Variants in SATL1 observed in about 807,000 individuals in gnomAD.
SATL1 encodes spermidine/spermine N(1)-acetyltransferase-like protein 1.
Under a neutral mutation model 51.8 loss-of-function variants are expected in SATL1, and 47 were observed. That is an observed-to-expected ratio of 0.91 (90% CI 0.72 to 1.16). The LOEUF is 1.16. Ranked by LOEUF, SATL1 falls within the 50% of genes most tolerant of loss-of-function variation. The probability of loss-of-function intolerance (pLI) is 0.00; values close to 1 mark genes in which losing one functional copy is unlikely to be tolerated. For synonymous variants in SATL1, 176 were observed against 182.4 expected, an observed-to-expected ratio of 0.97 and a Z score of 0.28; for missense variants, 520 against 526.4, an observed-to-expected ratio of 0.99 and a Z score of 0.12.
chrX:85,223,330 C>T (rs956707893), intron 2 of SATL1, among the ~76,000 whole-genome samples: 1 of 111,009 alleles, frequency 9.0e-6, no homozygotes, highest in Non-Finnish European at 1.9e-5. Context: ...TGCCTGGCTG[C>T]GAATTTCATT....
At chrX:85,225,852 T>C (rs1037675638) in intron 1 of SATL1, among the ~76,000 whole-genome samples, 1 of 111,193 alleles carries the variant, frequency 9.0e-6, no homozygotes, top group Non-Finnish European at 1.9e-5. Context: ...CTCCAGGAAT[T>C]AGGAGGGAGC....
intron 2 of SATL1, among the ~76,000 whole-genome samples, chrX:85,112,861 G>A (rs768017006): frequency 9.0e-6 from 1 of 111,186 alleles, no homozygotes; most frequent in Non-Finnish European, 1.9e-5. Flanking sequence ...CCTGATGGTC[G>A]CCTGACATTC....
intron 1 of SATL1, among the ~76,000 whole-genome samples, chrX:85,241,038 C>G (rs1928582447): frequency 9.0e-6 from 1 of 110,602 alleles, no homozygotes; most frequent in African/African-American, 3.3e-5. Context: ...GCTATTCCCC[C>G]CAAGGAGTCC....
At chrX:85,208,747 TG>T (rs1927844361) in intron 2 of SATL1, 2 of 112,083 alleles carry the variant, frequency 1.8e-5, no homozygotes, top group South Asian at 3.7e-4. Flanking sequence ...TTGACGGGGT[TG>T]TTTTTTTCTT....
chrX:85,188,292 T>A (rs922504665), intron 2 of SATL1, among the ~76,000 whole-genome samples: 8 of 111,233 alleles, frequency 7.2e-5, no homozygotes, highest in African/African-American at 2.6e-4. Context: ...GGTTTAAGGG[T>A]CCTTTTAGAT....
At chrX:85,147,102 G>A (rs981054773) in intron 2 of SATL1, among the ~76,000 whole-genome samples, 15 of 114,188 alleles carry the variant, frequency 1.3e-4, no homozygotes, top group Non-Finnish European at 2.8e-4. Flanking sequence ...CTGGAAAATC[G>A]GGTCACTCCC....
At chrX:85,128,360 CT>C (rs1234348518) in intron 2 of SATL1, among the ~76,000 whole-genome samples, 1 of 111,967 alleles carries the variant, frequency 8.9e-6, no homozygotes, top group Non-Finnish European at 1.9e-5. Flanking sequence ...GAGATGGTAT[CT>C]CATTGTGGTT....
chrX:85,164,573 C>A (rs1926790745), intron 2 of SATL1, among the ~76,000 whole-genome samples: 1 of 111,320 alleles, frequency 9.0e-6, no homozygotes, highest in Non-Finnish European at 1.9e-5. Flanking sequence ...ACCCCAATCT[C>A]TTCTAGCTTG....
intron 2 of SATL1, among the ~76,000 whole-genome samples, chrX:85,187,397 C>T (rs1367227442): frequency 1.8e-5 from 2 of 111,385 alleles, no homozygotes; most frequent in South Asian, 3.7e-4. Flanking sequence ...GCATCCTTAC[C>T]TTGTTCTAGT....
chrX:85,114,705 A>G (rs1050119234), intron 2 of SATL1, among the ~76,000 whole-genome samples: 6 of 112,290 alleles, frequency 5.3e-5, no homozygotes, highest in African/African-American at 1.9e-4. Context: ...TTTGAAACGC[A>G]TACCAATAAC....
intron 1 of SATL1, among the ~76,000 whole-genome samples, chrX:85,228,079 T>C (rs1375655710): frequency 9.0e-6 from 1 of 111,179 alleles, no homozygotes; most frequent in Non-Finnish European, 1.9e-5. Flanking sequence ...GGACGTTCAT[T>C]AATCTATTAG....
intron 2 of SATL1, among the ~76,000 whole-genome samples, chrX:85,145,678 T>A (rs1926217832): frequency 9.0e-6 from 1 of 111,172 alleles, no homozygotes; most frequent in Admixed American, 9.6e-5. Flanking sequence ...CACATTTTCT[T>A]ACAGAATCCT....
chrX:85,116,636 C>T (rs1488148695), intron 2 of SATL1, among the ~76,000 whole-genome samples: 10 of 111,513 alleles, frequency 9.0e-5, no homozygotes, highest in Non-Finnish European at 1.5e-4. Flanking sequence ...AGCCCACTCA[C>T]TCAACTTCTG....
At chrX:85,119,992 C>A (rs773822003) in intron 2 of SATL1, among the ~76,000 whole-genome samples, 29 of 112,128 alleles carry the variant, frequency 2.6e-4, no homozygotes, top group Non-Finnish European at 4.9e-4. Context: ...TATGAAGTAA[C>A]TTGTTCTCAC....
chrX:85,103,991 A>G, intron 3 of SATL1, 76 bp from the exon 4 acceptor site: 1 of 787,679 alleles, frequency 1.3e-6, no homozygotes, highest in South Asian at 2.2e-5. Flanking sequence ...TAAAATTTGT[A>G]TTAAACATTT....
intron 2 of SATL1, among the ~76,000 whole-genome samples, chrX:85,137,684 G>T (rs1476754947): frequency 8.9e-6 from 1 of 111,822 alleles, no homozygotes; most frequent in Non-Finnish European, 1.9e-5. Flanking sequence ...TCCTGGATCT[G>T]TGGTTTGGTG....
At chrX:85,111,000 C>T (rs1925246075) in intron 2 of SATL1, among the ~76,000 whole-genome samples, 1 of 112,767 alleles carries the variant, frequency 8.9e-6, no homozygotes, top group Admixed American at 9.4e-5. Flanking sequence ...ACATAGGTCA[C>T]ACAGCTAAAA....
At chrX:85,234,222 A>G (rs1220432342) in intron 1 of SATL1, among the ~76,000 whole-genome samples, 1 of 111,221 alleles carries the variant, frequency 9.0e-6, no homozygotes, top group African/African-American at 3.3e-5. Flanking sequence ...AACATGAAAG[A>G]AAAATAAAGA....
chrX:85,200,252 C>G (rs968786591), intron 2 of SATL1, among the ~76,000 whole-genome samples: 1 of 111,467 alleles, frequency 9.0e-6, no homozygotes, highest in African/African-American at 3.3e-5. Flanking sequence ...CTTCCCTTCC[C>G]CCAGAACTAT....
Sources: gnomAD v4.1 joint callset for allele counts (sites outside exome capture counted in the v4.1 genomes callset) on GRCh38, gnomAD v4.1.1 for gene constraint, MANE v1.5 for transcripts, NCBI Gene and HGNC (gene_info 2026-07-23, HGNC 2026-07-21) for gene names.